The following KMT2C variants were observed in gnomAD, a reference collection of about 807,000 sequenced individuals.
The protein encoded by KMT2C is lysine methyltransferase 2C.
A neutral mutation model predicts 507.9 loss-of-function variants in KMT2C; 88 were observed. The observed-to-expected ratio is 0.17, with a 90% confidence interval of 0.15 to 0.21. KMT2C has a LOEUF of 0.21. Ranked by LOEUF, KMT2C falls within the 10% of genes least tolerant of loss-of-function variation. The pLI, the probability that KMT2C is intolerant of heterozygous loss-of-function variation, is 1.00. For missense variants in KMT2C, 4,954 were observed against 5,957.8 expected, an observed-to-expected ratio of 0.83 and a Z score of 5.55; for synonymous variants, 2,049 against 2,080.8, an observed-to-expected ratio of 0.98 and a Z score of 0.42.
At chr7:152,317,914 G>A (rs1056517580) in intron 3 of KMT2C, among the ~76,000 whole-genome samples, 2 of 152,120 alleles carry the variant, frequency 1.3e-5, no homozygotes, top group Admixed American at 1.3e-4. Context: ...GCCGAGACGG[G>A]CAGATCACAG....
intron 27 of KMT2C, among the ~76,000 whole-genome samples, chr7:152,198,218 A>C (rs2094022033): frequency 6.6e-6 from 1 of 152,216 alleles, no homozygotes; most frequent in South Asian, 2.1e-4. Flanking sequence ...ACAAACAAGA[A>C]GCATGACCTC....
At chr7:152,318,626 C>CAAAA (rs67446037) in intron 3 of KMT2C, among the ~76,000 whole-genome samples, 13 of 54,392 alleles carry the variant, frequency 2.4e-4, no homozygotes, top group Middle Eastern at 0.01. Flanking sequence ...GACTCCATCT[C>CAAAA]AAAAAAAAAA....
At chr7:152,224,210 ATTT>A (rs1393138017) in intron 19 of KMT2C, 31 bp from the exon 20 acceptor site, 1 of 1,583,784 alleles carries the variant, frequency 6.3e-7, no homozygotes, top group African/African-American at 1.3e-5. Flanking sequence ...AAAAGTCTCA[ATTT>A]TATTTTCTTA....
At chr7:152,253,861 G>A (rs920202619) in intron 9 of KMT2C, among the ~76,000 whole-genome samples, 11 of 152,158 alleles carry the variant, frequency 7.2e-5, no homozygotes, top group Admixed American at 2.0e-4. Context: ...GCCAACCAGA[G>A]GCCAGCCAAA....
intron 6 of KMT2C, among the ~76,000 whole-genome samples, chr7:152,306,656 C>T (rs1393752932): frequency 1.3e-5 from 2 of 152,122 alleles, no homozygotes; most frequent in Admixed American, 6.5e-5. Context: ...TAAATGCATA[C>T]AGTTTGTTAG....
chr7:152,400,281 C>T (rs1472269535), intron 1 of KMT2C, among the ~76,000 whole-genome samples: 3 of 145,530 alleles, frequency 2.1e-5, no homozygotes, highest in Admixed American at 1.4e-4. Flanking sequence ...TGCACTCCAG[C>T]CTGGGCAACA....
intron 1 of KMT2C, among the ~76,000 whole-genome samples, chr7:152,431,549 C>A (rs1378214975): frequency 6.7e-6 from 1 of 149,928 alleles, no homozygotes; most frequent in African/African-American, 2.5e-5. Context: ...GAAGTTGCAG[C>A]GAGCCAAGAT....
chr7:152,248,446 T>G lies in KMT2C; in HGVS notation c.1988A>C (p.Gln663Pro), dbSNP rs1171017635. ...CTCTAACAACTGCAGTTGTTCTTGC[T>G]GCACAGTGATCTGGTGTGTAACGAC... ...IEVVTHQITV[Q>P]QEQLQLLEEP... The change falls in exon 14 of 59, where the codon CAG becomes CCG. Residue 663 changes from glutamine (Q) to proline (P), a missense_variant. Physicochemically the swap from Gln to Pro is moderately conservative, Grantham distance 76. This residue lies in a region of KMT2C where 376 missense variants were observed against 352.4 expected (regional missense o/e 1.07). Transcript: ENST00000262189. 2 of 1,614,184 alleles carry G rather than the reference T, an allele frequency of 1.2e-6. No homozygotes were observed. Among genetic ancestry groups the G allele is most frequent in the African/African-American group, 1.3e-5 (1 of 75,072 alleles).
chr7:152,297,055 C>CAG (rs769381866), intron 6 of KMT2C, among the ~76,000 whole-genome samples: 4,453 of 84,302 alleles, frequency 0.053, 126 homozygotes, highest in Middle Eastern at 0.072. Flanking sequence ...GAAAGAAAGA[C>CAG]AGAGAGAGAG....
intron 6 of KMT2C, among the ~76,000 whole-genome samples, chr7:152,274,177 T>C (rs1026924857): frequency 1.3e-5 from 2 of 152,094 alleles, no homozygotes; most frequent in Admixed American, 6.5e-5. Flanking sequence ...AATAGTAATA[T>C]GGTTAAAAGG....
intron 9 of KMT2C, among the ~76,000 whole-genome samples, chr7:152,255,116 T>TATATATATAC (rs1554583615): frequency 1.5e-4 from 14 of 95,688 alleles, no homozygotes; most frequent in African/African-American, 5.1e-4. Flanking sequence ...CACTTATATA[T>TATATATATAC]ATATATATAT....
At chr7:152,223,409 A>G (rs2094834194) in intron 20 of KMT2C, among the ~76,000 whole-genome samples, 1 of 152,140 alleles carries the variant, frequency 6.6e-6, no homozygotes, top group Non-Finnish European at 1.5e-5. Flanking sequence ...AAGATTCAGA[A>G]ACCCTTCATA....
At chr7:152,355,570 CAAAA>C (rs796323234) in intron 2 of KMT2C, among the ~76,000 whole-genome samples, 47 of 150,042 alleles carry the variant, frequency 3.1e-4, no homozygotes, top group African/African-American at 1.1e-3. Flanking sequence ...AACAAACAAA[CAAAA>C]AAAAACCAAG....
In KMT2C at chr7:152,258,505, TTGTTGTTGTTGTTGC is replaced by T. The variant is rs1316103671; in HGVS notation, c.1299+4496_1299+4510del. Among the ~76,000 whole-genome samples, 5 of 152,036 alleles carry T rather than the reference TTGTTGTTGTTGTTGC, an allele frequency of 3.3e-5. No homozygotes were observed. In the South Asian group the frequency reaches 6.2e-4, roughly 19 times the overall value. Reference sequence around the variant, plus strand: ...GCATCATCAGGCAGTAAGTTTGTTGTTGTTGTTGTTGTTGCTGTTGTTGTTGTTGTTGTTTTTGAG... The same window carrying T: ...GCATCATCAGGCAGTAAGTTTGTTGTTGTTGTTGTTGTTGTTGTTTTTGAG... On this transcript the variant is annotated intron_variant, in intron 9 of 58. Coordinates refer to ENST00000262189, the MANE Select transcript of KMT2C (RefSeq NM_170606.3).
intron 6 of KMT2C, among the ~76,000 whole-genome samples, chr7:152,278,392 T>G (rs2096129773): frequency 1.3e-5 from 2 of 152,176 alleles, no homozygotes; most frequent in African/African-American, 4.8e-5. Flanking sequence ...GCGATTCTCC[T>G]GCCTCAGTCT....
At chr7:152,228,597 C>G (rs2095008200) in intron 18 of KMT2C, among the ~76,000 whole-genome samples, 3 of 152,148 alleles carry the variant, frequency 2.0e-5, no homozygotes, top group Admixed American at 6.5e-5. Context: ...ATTGTCCAAT[C>G]TTAACTTATG....
chr7:152,240,509 C>G (rs1588502359), intron 14 of KMT2C, among the ~76,000 whole-genome samples: 1 of 152,230 alleles, frequency 6.6e-6, no homozygotes, highest in Admixed American at 6.5e-5. Context: ...GAAGTTGATG[C>G]TTCCCATATT....
At position 152,319,875 on chromosome 7, in the gene KMT2C, C is replaced by T. The variant is rs558531128; in HGVS notation, c.390-4537G>A. 8.5e-5 allele frequency among the ~76,000 whole-genome samples: 13 copies of T among 152,298 alleles called. 2 individuals are homozygous for T. Among genetic ancestry groups the T allele is most frequent in the African/African-American group, 2.6e-4 (11 of 41,568 alleles). ...CAGCTGCCAGGCAGGGAAGGGCTCC[C>T]TGTCCACTGGACATGTGACCCACGT... On this transcript the variant is annotated intron_variant, in intron 3 of 58. Transcript: ENST00000262189.
chr7:152,172,261 T>C (rs891826091), intron 39 of KMT2C, among the ~76,000 whole-genome samples: 6 of 152,208 alleles, frequency 3.9e-5, no homozygotes, highest in Non-Finnish European at 5.9e-5. Flanking sequence ...AAGAAGGGAC[T>C]ATCACTTCCA....
Sources: gnomAD v4.1 joint callset for allele counts (sites outside exome capture counted in the v4.1 genomes callset) on GRCh38, gnomAD v4.1.1 for gene constraint, gnomAD v4.1.1 regional missense constraint, MANE v1.5 for transcripts, NCBI Gene and HGNC (gene_info 2026-07-23, HGNC 2026-07-21) for gene names.